The following TTC17 variants were observed in gnomAD, a reference collection of about 807,000 sequenced individuals.
TTC17 encodes the protein tetratricopeptide repeat protein 17.
TTC17 carries 58 observed loss-of-function variants against 143.8 expected under a neutral mutation model. The observed-to-expected ratio is 0.40, with a 90% confidence interval of 0.33 to 0.50. The LOEUF (loss-of-function observed/expected upper bound fraction) is 0.50, where lower values mean the gene tolerates loss of function less well. TTC17 is among the 20% of genes least tolerant of loss of function. TTC17 has a pLI of 0.49. For missense variants in TTC17, 1,273 were observed against 1,392.5 expected, an observed-to-expected ratio of 0.91 and a Z score of 1.37; for synonymous variants, 501 against 497.8, an observed-to-expected ratio of 1.01 and a Z score of -0.09.
chr11:43,427,281 CT>C (rs1451578959), intron 16 of TTC17, among the ~76,000 whole-genome samples: 4 of 152,142 alleles, frequency 2.6e-5, no homozygotes, highest in Non-Finnish European at 5.9e-5. Flanking sequence ...GCTAGGAAAT[CT>C]AAGCCCCCTC....
rs1454875581 is a variant in TTC17, at chr11:43,405,825, A to G, written c.1635A>G (p.Glu545=). The change falls in exon 13 of 24, where the codon GAA becomes GAG. Residue 545 remains glutamate, a synonymous_variant. Transcript: ENST00000039989. The part of the protein sequence containing the change: ...ELSSDDYSTE[E]EAQTPDCSIT... ...GCAGTGATGATTATTCTACAGAAGA[A>G]GAGGCCCAAACCCCTGACTGTTCCA... 6.2e-7 allele frequency: 1 copy of G among 1,614,086 alleles called. No homozygotes were observed. The highest frequency in any genetic ancestry group is 1.7e-5 in the Admixed American group (1 of 60,008).
intron 21 of TTC17, among the ~76,000 whole-genome samples, chr11:43,473,644 G>A (rs1948130377): frequency 6.6e-6 from 1 of 152,132 alleles, no homozygotes; most frequent in South Asian, 2.1e-4. Context: ...GGAAGCCAAG[G>A]CAGGTGGATC....
intron 21 of TTC17, among the ~76,000 whole-genome samples, chr11:43,451,994 A>G (rs1947666706): frequency 6.6e-6 from 1 of 152,198 alleles, no homozygotes; most frequent in South Asian, 2.1e-4. Flanking sequence ...CAAACACATG[A>G]TCCCCAGACT....
intron 5 of TTC17, 119 bp from the exon 6 acceptor site, chr11:43,396,590 G>T: frequency 1.9e-6 from 1 of 515,342 alleles, no homozygotes; most frequent in Admixed American, 3.3e-5. Flanking sequence ...TTATCATTCA[G>T]TCTGGCTCTT....
In TTC17 at chr11:43,443,408, G is replaced by A. The variant is rs760916601; in HGVS notation, c.2335G>A (p.Val779Met). 5.0e-6 allele frequency: 8 copies of A among 1,614,072 alleles called. No individual in the cohort carries two copies. In the Admixed American group the frequency reaches 1.0e-4, roughly 20 times the overall value. The change falls in exon 17 of 24, where the codon GTG (valine) becomes ATG (methionine). Residue 779 changes from valine (V) to methionine (M), a missense_variant. By Grantham distance (21) the Val-to-Met change is conservative. This residue lies in a region of TTC17 where 878 missense variants were observed against 899.8 expected (regional missense o/e 0.98). Coordinates refer to ENST00000039989, the MANE Select transcript of TTC17 (RefSeq NM_018259.6). ...AATGTCAGAAGAAATACTGGCTTTG[G>A]TGGATGAATTTCAACAGGCATGGCC... ...TKMSEEILAL[V>M]DEFQQAWPLE...
intron 16 of TTC17, among the ~76,000 whole-genome samples, chr11:43,442,944 A>G (rs1158355871): frequency 6.6e-6 from 1 of 152,234 alleles, no homozygotes; most frequent in East Asian, 1.9e-4. Flanking sequence ...AGATACTTGA[A>G]TAAACCTTGA....
In TTC17 at chr11:43,451,781, T is replaced by A. The variant is rs189099530; in HGVS notation, c.3030+516T>A. The stretch of plus-strand genomic sequence containing the variant: ...ATTTGTGTAAAGAGGAGGGGTTTTT[T>A]AATTTAATTTTATTACTTTATGGCT... On this transcript the variant is annotated intron_variant, in intron 21 of 23. Coordinates refer to ENST00000039989, the MANE Select transcript of TTC17 (RefSeq NM_018259.6). Among the ~76,000 whole-genome samples the A allele has an allele frequency of 1.2e-4, 18 of 152,338 alleles. No homozygotes were observed. In the East Asian group the frequency reaches 2.9e-3, roughly 24 times the overall value.
At chr11:43,362,060 A>C (rs921311571) in intron 1 of TTC17, among the ~76,000 whole-genome samples, 40 of 149,302 alleles carry the variant, frequency 2.7e-4, no homozygotes, top group African/African-American at 9.5e-4. Context: ...GGCTCACCAC[A>C]ACCTCCGCCT....
chr11:43,391,350 G>T, intron 3 of TTC17, 115 bp from the exon 4 acceptor site: 1 of 687,434 alleles, frequency 1.5e-6, no homozygotes, highest in South Asian at 1.8e-5. Flanking sequence ...AGTGAGCTGT[G>T]ATCATGCCAC....
chr11:43,471,546 T>TATGGACAGCGGAGAGGA (rs1948092623), intron 21 of TTC17, among the ~76,000 whole-genome samples: 1 of 152,230 alleles, frequency 6.6e-6, no homozygotes, highest in Admixed American at 6.5e-5. Flanking sequence ...AAGTCCAATT[T>TATGGACAGCGGAGAGGA]ATGGACAGCG....
intron 21 of TTC17, among the ~76,000 whole-genome samples, chr11:43,462,573 T>C (rs372304663): frequency 1.6e-4 from 25 of 152,320 alleles, no homozygotes; most frequent in African/African-American, 4.8e-4. Flanking sequence ...CCCAATGATA[T>C]TGATTTTGGA....
chr11:43,414,262 A>G (rs1207107811), intron 15 of TTC17, among the ~76,000 whole-genome samples: 1 of 152,134 alleles, frequency 6.6e-6, no homozygotes, highest in African/African-American at 2.4e-5. Flanking sequence ...ACATCACAAC[A>G]ATGGTTACTT....
At chr11:43,407,270 AAGTT>A in intron 14 of TTC17, 55 bp downstream of exon 14, 3 of 1,557,148 alleles carry the variant, frequency 1.9e-6, no homozygotes, top group Non-Finnish European at 2.6e-6. Context: ...TTATAAGTAA[AAGTT>A]AAAATGCACT....
At chr11:43,380,162 T>C (rs1369569697) in intron 2 of TTC17, among the ~76,000 whole-genome samples, 1 of 152,180 alleles carries the variant, frequency 6.6e-6, no homozygotes, top group African/African-American at 2.4e-5. Flanking sequence ...CTAAAGACAA[T>C]GAATTGCCTG....
At chr11:43,410,443 A>G (rs547185148) in intron 15 of TTC17, among the ~76,000 whole-genome samples, 5 of 152,298 alleles carry the variant, frequency 3.3e-5, no homozygotes, top group African/African-American at 1.2e-4. Flanking sequence ...TCAAATATAT[A>G]AAGATCTTTT....
At chr11:43,387,009 C>T (rs1410971467) in intron 2 of TTC17, among the ~76,000 whole-genome samples, 1 of 152,000 alleles carries the variant, frequency 6.6e-6, no homozygotes, top group Non-Finnish European at 1.5e-5. Flanking sequence ...GTTTCAAACT[C>T]CTGAACTCAA....
At chr11:43,386,093 G>T (rs901528012) in intron 2 of TTC17, among the ~76,000 whole-genome samples, 1 of 151,730 alleles carries the variant, frequency 6.6e-6, no homozygotes, top group Admixed American at 6.6e-5. Context: ...TTGAATAAAT[G>T]GGGAAAGGAT....
At chr11:43,375,788 G>A (rs1055013510) in intron 1 of TTC17, among the ~76,000 whole-genome samples, 23 of 152,114 alleles carry the variant, frequency 1.5e-4, no homozygotes, top group Non-Finnish European at 2.9e-4. Flanking sequence ...GTTTTTGTAG[G>A]ACATCAAAAA....
At chr11:43,380,235 G>T (rs112257163) in intron 2 of TTC17, among the ~76,000 whole-genome samples, 1,547 of 152,202 alleles carry the variant, frequency 0.01, 29 homozygotes, top group African/African-American at 0.035. Flanking sequence ...CTTAAAAGCT[G>T]GCATACCTGT....
Sources: allele counts gnomAD v4.1 joint callset (sites outside exome capture counted in the v4.1 genomes callset), GRCh38; gene constraint gnomAD v4.1.1; regional missense constraint gnomAD v4.1.1; transcripts MANE v1.5; gene names NCBI Gene and HGNC (gene_info 2026-07-23, HGNC 2026-07-21).